SH3BP4: variants seen among roughly 807,000 people sequenced by gnomAD.
SH3BP4 encodes SH3 domain binding protein 4.
Under a neutral mutation model 65.5 loss-of-function variants are expected in SH3BP4, and 33 were observed. The ratio of observed to expected loss-of-function variants is 0.50; its 90% CI spans 0.38 to 0.67. The LOEUF (loss-of-function observed/expected upper bound fraction) is 0.67, where lower values mean the gene tolerates loss of function less well. Ranked by LOEUF, SH3BP4 falls within the 30% of genes least tolerant of loss-of-function variation. The pLI, the probability that SH3BP4 is intolerant of heterozygous loss-of-function variation, is 0.00. For synonymous variants in SH3BP4, 552 were observed against 545.5 expected, an observed-to-expected ratio of 1.01 and a Z score of -0.17; for missense variants, 1,134 against 1,261.4, an observed-to-expected ratio of 0.90 and a Z score of 1.53.
rs1163102289 is a variant in SH3BP4, at chr2:234,955,452, CCAG to C, written c.-207+3284_-207+3286del. Among the ~76,000 whole-genome samples, 3 of 152,178 alleles carry C rather than the reference CCAG, an allele frequency of 2.0e-5. No individual in the cohort carries two copies. The East Asian group carries it at 5.8e-4, about 29-fold the overall frequency. The stretch of plus-strand genomic sequence containing the variant: ...TTCAGTATCCTCCAGGAAGCCGAAA[CCAG>C]CTCCTCGGTGGGCCCTGAGGGCGTC... On this transcript the variant is annotated intron_variant, in intron 1 of 5. Coordinates refer to ENST00000392011, the MANE Select transcript of SH3BP4 (RefSeq NM_014521.3).
At chr2:235,038,396 T>TAC (rs1559254846) in intron 3 of SH3BP4, among the ~76,000 whole-genome samples, 2 of 77,736 alleles carry the variant, frequency 2.6e-5, no homozygotes, top group Admixed American at 1.7e-4. Context: ...TATATATATA[T>TAC]ATATATATAT....
intron 3 of SH3BP4, among the ~76,000 whole-genome samples, chr2:235,038,425 T>G (rs1695530016): frequency 8.9e-6 from 1 of 112,920 alleles, no homozygotes; most frequent in South Asian, 2.6e-4. Context: ...ATGAGGTATG[T>G]AGAGAAGGAA....
chr2:234,970,677 G>A (rs755636888), intron 1 of SH3BP4, among the ~76,000 whole-genome samples: 3 of 152,186 alleles, frequency 2.0e-5, no homozygotes, highest in African/African-American at 7.2e-5. Flanking sequence ...CTTGCATTCC[G>A]CCGCTAATTC....
intron 2 of SH3BP4, among the ~76,000 whole-genome samples, chr2:235,011,162 G>A (rs921691384): frequency 6.9e-6 from 1 of 145,686 alleles, no homozygotes; most frequent in African/African-American, 2.5e-5. Flanking sequence ...TCTCCTAGGA[G>A]AACCCTTCCT....
chr2:234,971,656 A>G (rs1693006617), intron 1 of SH3BP4, among the ~76,000 whole-genome samples: 1 of 151,832 alleles, frequency 6.6e-6, no homozygotes, highest in African/African-American at 2.4e-5. Flanking sequence ...AGCGTTTGTT[A>G]TTTTCTGGTT....
chr2:235,048,320 A>G (rs58090091), intron 4 of SH3BP4, among the ~76,000 whole-genome samples: 2 of 152,020 alleles, frequency 1.3e-5, no homozygotes, highest in Admixed American at 1.3e-4. Flanking sequence ...TTTGTACTTT[A>G]TAAGAGTATT....
At chr2:234,958,993 C>T (rs760603879) in intron 1 of SH3BP4, among the ~76,000 whole-genome samples, 2 of 151,968 alleles carry the variant, frequency 1.3e-5, no homozygotes, top group African/African-American at 2.4e-5. Flanking sequence ...GGGGAGTGGC[C>T]GCAGATGCTG....
At chr2:235,039,422 A>G (rs1330419418) in intron 3 of SH3BP4, among the ~76,000 whole-genome samples, 1 of 151,990 alleles carries the variant, frequency 6.6e-6, no homozygotes, top group African/African-American at 2.4e-5. Flanking sequence ...ATTAGAAAAG[A>G]TGTAGGTTTA....
chr2:235,001,418 C>T (rs552201186), intron 2 of SH3BP4, among the ~76,000 whole-genome samples: 59 of 152,264 alleles, frequency 3.9e-4, no homozygotes, highest in African/African-American at 1.4e-3. Flanking sequence ...TAAGATAAGC[C>T]GAGGCGGGAC....
Position 234,978,533 on chromosome 2 carries a change from T to A in SH3BP4, c.-206-16770T>A, listed in dbSNP as rs1212730924. ...GGTGAACTCTCCGGCTGGGCTCCTT[T>A]CCTGCTGCAGGTGCCGCGTCTCTTT... On this transcript the variant is annotated intron_variant, in intron 1 of 5. Transcript: ENST00000392011. This position sits in a 1 kb window ranked among gnomAD's most constrained non-coding sequence, Gnocchi z 4.1. 6.6e-6 allele frequency among the ~76,000 whole-genome samples: 1 copy of A among 152,224 alleles called. No individual in the cohort carries two copies. Among genetic ancestry groups the A allele is most frequent in the African/African-American group, 2.4e-5 (1 of 41,462 alleles).
intron 2 of SH3BP4, among the ~76,000 whole-genome samples, chr2:235,013,362 G>A (rs1033704425): frequency 3.9e-5 from 6 of 152,156 alleles, no homozygotes; most frequent in Non-Finnish European, 7.3e-5. Flanking sequence ...GTTGTCTCCG[G>A]TGTCTGGGCA....
intron 3 of SH3BP4, among the ~76,000 whole-genome samples, chr2:235,038,265 T>TATATATAA: frequency 4.9e-5 from 2 of 41,230 alleles, no homozygotes; most frequent in East Asian, 1.8e-3. Context: ...ATAATATATA[T>TATATATAA]TATATATAAT....
At chr2:235,051,540 C>T in intron 4 of SH3BP4, among the ~76,000 whole-genome samples, 1 of 152,104 alleles carries the variant, frequency 6.6e-6, no homozygotes, top group East Asian at 1.9e-4. Context: ...GTTAGTAATC[C>T]CTGTCCTAAA....
intron 1 of SH3BP4, among the ~76,000 whole-genome samples, chr2:234,986,984 C>G (rs1693581228): frequency 6.6e-6 from 1 of 151,954 alleles, no homozygotes; most frequent in South Asian, 2.1e-4. Flanking sequence ...GTTGGTCAGG[C>G]TGGTCTCTAA....
At chr2:235,048,207 G>T (rs1349672494) in intron 4 of SH3BP4, among the ~76,000 whole-genome samples, 1 of 152,214 alleles carries the variant, frequency 6.6e-6, no homozygotes, top group Non-Finnish European at 1.5e-5. Flanking sequence ...TGGGCCCATT[G>T]TCCAGATGCC....
chr2:235,002,411 C>T (rs1264608193), intron 2 of SH3BP4, among the ~76,000 whole-genome samples: 1 of 152,120 alleles, frequency 6.6e-6, no homozygotes, highest in Non-Finnish European at 1.5e-5. Context: ...GATGAGGAAA[C>T]TTGTGCCTCA....
At chr2:235,028,627 G>T (rs1264469132) in intron 2 of SH3BP4, among the ~76,000 whole-genome samples, 1 of 152,196 alleles carries the variant, frequency 6.6e-6, no homozygotes, top group Non-Finnish European at 1.5e-5. Context: ...CAAACAGATG[G>T]TCTTATGTCC....
intron 1 of SH3BP4, among the ~76,000 whole-genome samples, chr2:234,980,438 CA>C (rs769964361): frequency 5.9e-5 from 9 of 152,158 alleles, no homozygotes; most frequent in Non-Finnish European, 8.8e-5. Flanking sequence ...CACAGTTGGC[CA>C]GGGGTAACTG....
chr2:235,049,599 G>C (rs1008154072), intron 4 of SH3BP4, among the ~76,000 whole-genome samples: 1 of 152,160 alleles, frequency 6.6e-6, no homozygotes, highest in Non-Finnish European at 1.5e-5. Flanking sequence ...GAATACACAC[G>C]TGTATGCTTT....
Sources: gnomAD v4.1 joint callset for allele counts (sites outside exome capture counted in the v4.1 genomes callset) on GRCh38, gnomAD v4.1.1 for gene constraint, Gnocchi (gnomAD v3.1) non-coding constraint, MANE v1.5 for transcripts, NCBI Gene and HGNC (gene_info 2026-07-23, HGNC 2026-07-21) for gene names.